Variants in SPG11 observed in about 807,000 individuals in gnomAD.
SPG11 encodes SPG11 vesicle trafficking associated, spatacsin, also known as spatacsin.
In SPG11, 222 loss-of-function variants were observed where a neutral mutation model predicts 274.0. The ratio of observed to expected loss-of-function variants is 0.81; its 90% CI spans 0.73 to 0.91. The LOEUF is 0.91. Among genes scored for constraint, SPG11 ranks in the 40% least tolerant of loss-of-function variants. The probability of loss-of-function intolerance (pLI) is 0.00; values close to 1 mark genes in which losing one functional copy is unlikely to be tolerated. For synonymous variants in SPG11, 1,144 were observed against 1,039.7 expected, an observed-to-expected ratio of 1.10 and a Z score of -1.93; for missense variants, 3,114 against 2,872.7, an observed-to-expected ratio of 1.08 and a Z score of -1.92.
chr15:44,646,753 A>C (rs1007842016), intron 7 of SPG11, among the ~76,000 whole-genome samples: 1 of 152,192 alleles, frequency 6.6e-6, no homozygotes, highest in African/African-American at 2.4e-5. Context: ...GGGTGTTCTC[A>C]CTTATAAGTG....
intron 28 of SPG11, among the ~76,000 whole-genome samples, chr15:44,587,252 A>G (rs1235520518): frequency 3.9e-5 from 6 of 152,188 alleles, no homozygotes; most frequent in Admixed American, 3.3e-4. Flanking sequence ...AGTAGAGTCT[A>G]TGTGTGTCCT....
Position 44,606,041 on chromosome 15 carries a change from G to T in SPG11, c.3504C>A (p.Asn1168Lys), listed in dbSNP as rs199712393. Residue 1168 changes from asparagine (N) to lysine (K), a missense_variant, in exon 20 of 40, where the codon AAC becomes AAA. Physicochemically the swap from Asn to Lys is moderately conservative, Grantham distance 94. Transcript: ENST00000261866. ...PSRLFGWQSA[N>K]TLAIGDAWSH... ...ATGACTTACCTCCTATAGCTAGTGT[G>T]TTAGCAGACTGCCAGCCAAACAATC... 8 of 1,613,704 alleles carry T rather than the reference G, an allele frequency of 5.0e-6. No individual in the cohort carries two copies. Among genetic ancestry groups the T allele is most frequent in the Non-Finnish European group, 6.8e-6 (8 of 1,179,734 alleles).
Position 44,610,980 on chromosome 15 carries a change from T to C in SPG11, c.3151A>G (p.Lys1051Glu), listed in dbSNP as rs1595879028. Residue 1051 changes from lysine to glutamate, a missense_variant, in exon 18 of 40, where the codon AAA becomes GAA. Physicochemically the swap from Lys to Glu is moderately conservative, Grantham distance 56 (BLOSUM62 1). Coordinates refer to ENST00000261866, the MANE Select transcript of SPG11 (RefSeq NM_025137.4). Reference protein sequence around the residue: ...RQVASNLTDPKLIFQASLANA... With the variant: ...RQVASNLTDPELIFQASLANA... Reference sequence around the variant, plus strand: ...GCAAGGCTAGCCTGGAAGATCAGTTTGGGATCTGGAAAATAAAAGACAGTG... The same window carrying C: ...GCAAGGCTAGCCTGGAAGATCAGTTCGGGATCTGGAAAATAAAAGACAGTG... 1 of 1,613,538 alleles carries C rather than the reference T, an allele frequency of 6.2e-7. No individual in the cohort carries two copies. The highest frequency in any genetic ancestry group is 2.2e-5 in the East Asian group (1 of 44,830).
intron 15 of SPG11, among the ~76,000 whole-genome samples, chr15:44,618,285 G>T (rs1483574367): frequency 1.3e-5 from 2 of 151,670 alleles, no homozygotes; most frequent in Admixed American, 1.3e-4. Context: ...AAGGCAGGCG[G>T]ATCACGAGGT....
chr15:44,644,981 A>C (rs2141088840), intron 7 of SPG11, among the ~76,000 whole-genome samples: 1 of 152,366 alleles, frequency 6.6e-6, no homozygotes. Context: ...AATATTGTTA[A>C]AATGGTCATA....
At chr15:44,662,720 G>A (rs1015581255) in intron 1 of SPG11, among the ~76,000 whole-genome samples, 6 of 146,798 alleles carry the variant, frequency 4.1e-5, no homozygotes, top group African/African-American at 1.5e-4. Flanking sequence ...CAAACTTTAT[G>A]ATGTAAACTC....
At chr15:44,575,176 G>A (rs1015884937) in intron 30 of SPG11, 135 bp from the exon 31 acceptor site, 16 of 1,076,928 alleles carry the variant, frequency 1.5e-5, no homozygotes, top group African/African-American at 3.1e-5. Flanking sequence ...TAGGACCACT[G>A]CTGACAGGGC....
At chr15:44,618,325 G>A (rs1023870623) in intron 15 of SPG11, among the ~76,000 whole-genome samples, 1 of 151,230 alleles carries the variant, frequency 6.6e-6, no homozygotes, top group African/African-American at 2.4e-5. Flanking sequence ...TGGCTAACAT[G>A]GTGAAACCTC....
chr15:44,598,888 C>CCA (rs1567151546), intron 21 of SPG11, 52 bp from the exon 22 acceptor site: 1 of 1,546,238 alleles, frequency 6.5e-7, no homozygotes, highest in Non-Finnish European at 8.9e-7. Context: ...TTATGTCTCA[C>CCA]CAGGAAAAGC....
chr15:44,641,962 A>T (rs1289115368), intron 7 of SPG11, among the ~76,000 whole-genome samples: 2 of 151,470 alleles, frequency 1.3e-5, no homozygotes, highest in Non-Finnish European at 2.9e-5. Context: ...ACTTAAAGCT[A>T]GATAAAGACA....
chr15:44,572,101 TAC>T (rs1017933764), intron 33 of SPG11, among the ~76,000 whole-genome samples: 4 of 152,276 alleles, frequency 2.6e-5, no homozygotes, highest in Admixed American at 6.5e-5. Context: ...CATTCTAATA[TAC>T]AGTTTTTCAT....
intron 11 of SPG11, among the ~76,000 whole-genome samples, chr15:44,625,311 C>A (rs988094076): frequency 1.2e-4 from 19 of 152,114 alleles, no homozygotes; most frequent in African/African-American, 4.3e-4. Context: ...GCTAGGACTA[C>A]AGGTGTGCTA....
chr15:44,576,785 T>A (rs558422618), intron 30 of SPG11, among the ~76,000 whole-genome samples: 5 of 152,238 alleles, frequency 3.3e-5, no homozygotes, highest in South Asian at 2.1e-4. Context: ...ACCAAGCAAG[T>A]AAAAGATAGT....
rs529316227 is a variant in SPG11 at position 44,663,617 on chromosome 15, C to T, written c.31G>A (p.Ala11Thr). Reference sequence around the variant, plus strand: ...GTGCCCCAGCTACCGCCGGCGGAAGCAGCACTCGCGACCCCTTCCTCTGCA... The same window carrying T: ...GTGCCCCAGCTACCGCCGGCGGAAGTAGCACTCGCGACCCCTTCCTCTGCA... MAAEEGVASA[A>T]SAGGSWGTAA... The change falls in exon 1 of 40, where the codon GCT (alanine) becomes ACT (threonine). Residue 11 changes from alanine to threonine, a missense_variant. By Grantham distance (58) the Ala-to-Thr change is moderately conservative. Transcript: ENST00000261866. 3 of 1,596,274 alleles carry T rather than the reference C, an allele frequency of 1.9e-6. No individual in the cohort carries two copies. The highest frequency in any genetic ancestry group is 1.7e-5 in the Admixed American group (1 of 58,882).
intron 26 of SPG11, among the ~76,000 whole-genome samples, chr15:44,593,630 G>C (rs1003257303): frequency 1.3e-5 from 2 of 152,104 alleles, no homozygotes; most frequent in South Asian, 4.1e-4. Flanking sequence ...GAATTAGAAA[G>C]TATGGCTCTG....
chr15:44,592,579 G>A, intron 26 of SPG11, 141 bp from the exon 27 acceptor site: 4 of 672,510 alleles, frequency 5.9e-6, no homozygotes, highest in East Asian at 2.8e-5. Context: ...AGCACTTTGG[G>A]AAGCCGAGCC....
At chr15:44,591,428 A>T (rs776044385) in intron 27 of SPG11, among the ~76,000 whole-genome samples, 7 of 152,170 alleles carry the variant, frequency 4.6e-5, no homozygotes, top group Admixed American at 2.0e-4. Flanking sequence ...ATTAGTGCTT[A>T]GTCTTTATTT....
In SPG11 at chr15:44,569,380, TCATTACTTTGCA is replaced by T; in HGVS notation, c.6585+6_6585+17del. 6.5e-7 allele frequency: 1 copy of T among 1,541,160 alleles called. No individual in the cohort carries two copies. The highest frequency in any genetic ancestry group is 8.9e-7 in the Non-Finnish European group (1 of 1,124,186). On this transcript the variant is annotated splice_donor_region_variant and intron_variant, in intron 35 of 39. Coordinates refer to ENST00000261866, the MANE Select transcript of SPG11 (RefSeq NM_025137.4). The stretch of plus-strand genomic sequence containing the variant: ...TCAGCAGTACACCCCATCCTGGAGC[TCATTACTTTGCA>T]CCTACCGGATCCAACTTCTTCCTCA...
chr15:44,615,477 A>T lies in SPG11; in HGVS notation c.2924T>A (p.Leu975His). 6.2e-7 allele frequency: 1 copy of T among 1,614,066 alleles called. No individual in the cohort carries two copies. Residue 975 changes from leucine to histidine, a missense_variant, in exon 16 of 40, where the codon CTC (leucine) becomes CAC (histidine). Leu to His is a moderately conservative substitution (Grantham distance 99). Transcript: ENST00000261866. ...TTTGGTCTTGTAGTTTTGAACAGGG[A>T]GGGTATCCTGTATTACACCTCCAAT... ...SRIGGVIQDT[L>H]PVQNYKTKEG...
Sources: gnomAD v4.1 joint callset for allele counts (sites outside exome capture counted in the v4.1 genomes callset) on GRCh38, gnomAD v4.1.1 for gene constraint, MANE v1.5 for transcripts, NCBI Gene and HGNC (gene_info 2026-07-23, HGNC 2026-07-21) for gene names.